The following HECW1 variants were observed in gnomAD, a reference collection of about 807,000 sequenced individuals.
The protein encoded by HECW1 is E3 ubiquitin-protein ligase HECW1.
Under a neutral mutation model 182.3 loss-of-function variants are expected in HECW1, and 61 were observed. The observed-to-expected ratio is 0.33, with a 90% confidence interval of 0.27 to 0.41. The LOEUF (loss-of-function observed/expected upper bound fraction) is 0.41, where lower values mean the gene tolerates loss of function less well. Ranked by LOEUF, HECW1 falls within the 10% of genes least tolerant of loss-of-function variation. HECW1 has a pLI of 1.00. For missense variants in HECW1, 1,739 were observed against 2,108.9 expected, an observed-to-expected ratio of 0.82 and a Z score of 3.44; for synonymous variants, 859 against 832.6, an observed-to-expected ratio of 1.03 and a Z score of -0.55.
intron 2 of HECW1, among the ~76,000 whole-genome samples, chr7:43,216,543 A>G (rs781071739): frequency 3.3e-5 from 5 of 152,156 alleles, no homozygotes; most frequent in Non-Finnish European, 7.4e-5. Context: ...TTCCTGGATC[A>G]TGGTAAGCTG....
chr7:43,201,834 A>G (rs759895044), intron 2 of HECW1, among the ~76,000 whole-genome samples: 4 of 152,214 alleles, frequency 2.6e-5, no homozygotes, highest in Non-Finnish European at 5.9e-5. Flanking sequence ...TAACATTAGG[A>G]CATAAAAGCA....
At chr7:43,426,093 T>C (rs1229249778) in intron 8 of HECW1, among the ~76,000 whole-genome samples, 2 of 152,136 alleles carry the variant, frequency 1.3e-5, no homozygotes, top group Non-Finnish European at 2.9e-5. Flanking sequence ...TCTGATGGGA[T>C]GAGGAGGGTA....
chr7:43,501,959 C>T (rs2079378925), intron 21 of HECW1, among the ~76,000 whole-genome samples: 1 of 152,192 alleles, frequency 6.6e-6, no homozygotes, highest in African/African-American at 2.4e-5. Context: ...TCAGCCATGC[C>T]TGTTCTATGC....
At chr7:43,338,871 A>G (rs75401048) in intron 5 of HECW1, among the ~76,000 whole-genome samples, 2 of 152,034 alleles carry the variant, frequency 1.3e-5, no homozygotes, top group East Asian at 3.9e-4. Flanking sequence ...GTGCAATCCC[A>G]CTGGAGATAA....
intron 2 of HECW1, among the ~76,000 whole-genome samples, chr7:43,148,322 A>G (rs1788939158): frequency 1.3e-5 from 2 of 152,140 alleles, no homozygotes; most frequent in South Asian, 2.1e-4. Flanking sequence ...CTGAAAAGGC[A>G]TGACCTTGGG....
intron 24 of HECW1, among the ~76,000 whole-genome samples, chr7:43,529,046 C>G (rs1357699266): frequency 2.6e-5 from 4 of 152,062 alleles, no homozygotes; most frequent in Admixed American, 2.6e-4. Context: ...TACCTAACCC[C>G]CGTGGCAGTG....
At chr7:43,418,164 G>A (rs1280523252) in intron 8 of HECW1, among the ~76,000 whole-genome samples, 2 of 152,070 alleles carry the variant, frequency 1.3e-5, no homozygotes, top group East Asian at 3.9e-4. Flanking sequence ...TCTTCTTAGA[G>A]GGACATCAGT....
intron 2 of HECW1, among the ~76,000 whole-genome samples, chr7:43,238,523 A>C (rs1030422746): frequency 6.6e-6 from 1 of 152,210 alleles, no homozygotes; most frequent in Non-Finnish European, 1.5e-5. Context: ...TCTATCTACA[A>C]ACAAGGATGG....
At chr7:43,302,224 C>A (rs1174860610) in intron 3 of HECW1, among the ~76,000 whole-genome samples, 1 of 151,272 alleles carries the variant, frequency 6.6e-6, no homozygotes, top group Non-Finnish European at 1.5e-5. Context: ...TCTCAACAAG[C>A]CTGAGGCTCC....
At chr7:43,241,814 A>T (rs371235018) in intron 2 of HECW1, among the ~76,000 whole-genome samples, 35 of 152,286 alleles carry the variant, frequency 2.3e-4, no homozygotes, top group African/African-American at 8.2e-4. Context: ...TAAACAGTTC[A>T]TTAGAATTAT....
chr7:43,307,889 T>C (rs1306051243), intron 3 of HECW1, among the ~76,000 whole-genome samples: 11 of 99,602 alleles, frequency 1.1e-4, no homozygotes, highest in African/African-American at 2.8e-4. Flanking sequence ...TATATATATA[T>C]ATATATACAC....
chr7:43,507,012 G>C, intron 21 of HECW1, 125 bp from the exon 22 acceptor site: 1 of 1,185,818 alleles, frequency 8.4e-7, no homozygotes, highest in Non-Finnish European at 1.1e-6. Context: ...GGAAGTTGCG[G>C]TAAGCCGAGA....
At chr7:43,125,757 TA>T (rs57874835) in intron 2 of HECW1, among the ~76,000 whole-genome samples, 173 of 86,538 alleles carry the variant, frequency 2.0e-3, no homozygotes, top group East Asian at 7.6e-3. Context: ...GATTCTGTCT[TA>T]AAAAAAAAAA....
At chr7:43,512,003 G>T (rs926291192) in intron 24 of HECW1, 19 of 209,628 alleles carry the variant, frequency 9.1e-5, no homozygotes, top group Admixed American at 1.8e-4. Flanking sequence ...GATCGCTCAC[G>T]ACTGGTACCA....
chr7:43,132,389 C>G (rs1016424772), intron 2 of HECW1, among the ~76,000 whole-genome samples: 9 of 152,160 alleles, frequency 5.9e-5, no homozygotes, highest in African/African-American at 2.2e-4. Flanking sequence ...CCCCAATAAC[C>G]TTGCACTTAA....
chr7:43,409,108 A>G (rs967283033), intron 8 of HECW1, among the ~76,000 whole-genome samples: 3 of 152,214 alleles, frequency 2.0e-5, no homozygotes, highest in African/African-American at 7.2e-5. Context: ...TTTATTATCT[A>G]TTAAATCATA....
At chr7:43,236,539 A>C (rs1798357497) in intron 2 of HECW1, among the ~76,000 whole-genome samples, 1 of 152,236 alleles carries the variant, frequency 6.6e-6, no homozygotes. Flanking sequence ...TGGTCCCAAA[A>C]GGTGGGAAAA....
At chr7:43,449,071 C>G (rs1337927617) in intron 11 of HECW1, among the ~76,000 whole-genome samples, 1 of 152,204 alleles carries the variant, frequency 6.6e-6, no homozygotes, top group African/African-American at 2.4e-5. Context: ...GTTGTATTTC[C>G]ACTAGCTTGG....
At chr7:43,561,549 T>G (rs1055975248) in intron 29 of HECW1, among the ~76,000 whole-genome samples, 1 of 152,234 alleles carries the variant, frequency 6.6e-6, no homozygotes, top group African/African-American at 2.4e-5. Context: ...ACCATAGAGT[T>G]TATAATCAGT....
Sources: allele counts gnomAD v4.1 joint callset (sites outside exome capture counted in the v4.1 genomes callset), GRCh38; gene constraint gnomAD v4.1.1; transcripts MANE v1.5; gene names NCBI Gene and HGNC (gene_info 2026-07-23, HGNC 2026-07-21).